FGL1: variants seen among roughly 807,000 people sequenced by gnomAD.
The protein encoded by FGL1 is fibrinogen like 1, also known as fibrinogen-like protein 1.
In FGL1, 59 loss-of-function variants were observed where a neutral mutation model predicts 43.7. The ratio of observed to expected loss-of-function variants is 1.35; its 90% CI spans 1.10 to 1.68. The LOEUF (loss-of-function observed/expected upper bound fraction) is 1.68, where lower values mean the gene tolerates loss of function less well. Among genes scored for constraint, FGL1 ranks in the 40% most tolerant of loss-of-function variants. FGL1 has a pLI of 0.00. For synonymous variants in FGL1, 192 were observed against 126.5 expected (o/e 1.52, Z -3.48); for missense variants, 596 against 373.0 (o/e 1.60, Z -4.92).
chr8:17,868,123 T>C (rs911622706), intron 7 of FGL1, among the ~76,000 whole-genome samples: 15 of 152,186 alleles, frequency 9.9e-5, no homozygotes, highest in Non-Finnish European at 1.5e-4. Context: ...ATGAAAGCCA[T>C]AGTGATTGAA....
At chr8:17,886,676 T>G (rs2053632970) in intron 1 of FGL1, among the ~76,000 whole-genome samples, 1 of 152,104 alleles carries the variant, frequency 6.6e-6, no homozygotes, top group South Asian at 2.1e-4. Flanking sequence ...GAGAATTGCT[T>G]GAACCCGGGA....
At chr8:17,889,071 A>T (rs573432897) in intron 1 of FGL1, among the ~76,000 whole-genome samples, 1 of 152,184 alleles carries the variant, frequency 6.6e-6, no homozygotes. Flanking sequence ...GGCCTGGGGC[A>T]TTATATAAAA....
intron 1 of FGL1, among the ~76,000 whole-genome samples, chr8:17,886,889 C>T (rs796733566): frequency 2.6e-5 from 4 of 152,184 alleles, no homozygotes; most frequent in African/African-American, 9.6e-5. Context: ...GTGTAGCACC[C>T]TAGGGGATTC....
intron 5 of FGL1, among the ~76,000 whole-genome samples, chr8:17,873,122 G>T (rs949157957): frequency 6.6e-6 from 1 of 152,038 alleles, no homozygotes; most frequent in Non-Finnish European, 1.5e-5. Flanking sequence ...TTGCCCAATT[G>T]TTCACCTCTC....
intron 1 of FGL1, among the ~76,000 whole-genome samples, chr8:17,893,388 A>G (rs2053733469): frequency 1.3e-5 from 2 of 150,968 alleles, no homozygotes; most frequent in East Asian, 3.9e-4. Flanking sequence ...ATGTATGAAC[A>G]TAACATTATT....
chr8:17,868,916 C>G lies in FGL1; in HGVS notation c.591G>C (p.Lys197Asn). ...QYKNFKVGDEKNFYELNIGEY... is the reference protein window; with the variant it reads ...QYKNFKVGDENNFYELNIGEY... ...TTTACTTCTTAGAAAATTGTAGTAC[C>G]TTTTCATCTCCAACTTTGAAATTCT... Residue 197 changes from lysine to asparagine, a missense_variant and splice_region_variant, in exon 6 of 8, where the codon AAG (lysine) becomes AAC (asparagine). Lys to Asn is a moderately conservative substitution (Grantham distance 94, BLOSUM62 0). Coordinates refer to ENST00000427924, the MANE Select transcript of FGL1 (RefSeq NM_004467.4). 1 of 1,589,368 alleles carries G rather than the reference C, an allele frequency of 6.3e-7. No individual in the cohort carries two copies. Among genetic ancestry groups the G allele is most frequent in the South Asian group, 1.2e-5 (1 of 85,866 alleles).
chr8:17,881,965 G>A, intron 3 of FGL1, 34 bp downstream of exon 3: 1 of 1,593,082 alleles, frequency 6.3e-7, no homozygotes, highest in Non-Finnish European at 8.6e-7. Flanking sequence ...CATAATGTAA[G>A]TTATAGAAAC....
At chr8:17,891,074 A>C (rs537108092) in intron 1 of FGL1, among the ~76,000 whole-genome samples, 59 of 152,158 alleles carry the variant, frequency 3.9e-4, no homozygotes, top group Non-Finnish European at 7.9e-4. Context: ...ATATGTGTTT[A>C]TTGTCTACCT....
intron 7 of FGL1, among the ~76,000 whole-genome samples, chr8:17,865,637 T>C (rs2053259736): frequency 6.6e-6 from 1 of 152,258 alleles, no homozygotes; most frequent in Non-Finnish European, 1.5e-5. Flanking sequence ...CTTTGGAGTC[T>C]GTAAATTTTG....
chr8:17,877,658 T>C (rs1286560011), intron 3 of FGL1, among the ~76,000 whole-genome samples: 2 of 151,626 alleles, frequency 1.3e-5, no homozygotes, highest in African/African-American at 4.8e-5. Flanking sequence ...AGTAGGTGTA[T>C]GTATTTGTTG....
At chr8:17,869,892 G>A (rs1437185839) in intron 5 of FGL1, among the ~76,000 whole-genome samples, 1 of 152,104 alleles carries the variant, frequency 6.6e-6, no homozygotes, top group East Asian at 1.9e-4. Flanking sequence ...GGCGGATCAC[G>A]AGGTCAGGAG....
chr8:17,875,551 T>C (rs1193017656), intron 3 of FGL1, among the ~76,000 whole-genome samples: 382 of 16,512 alleles, frequency 0.023, 29 homozygotes, highest in African/African-American at 0.059. Context: ...CTTTCTTTCT[T>C]TCTTTCTTTC....
chr8:17,893,969 T>C (rs548863129), intron 1 of FGL1, among the ~76,000 whole-genome samples: 1 of 147,252 alleles, frequency 6.8e-6, no homozygotes, highest in East Asian at 1.9e-4. Flanking sequence ...ATTAAAATTG[T>C]TATCAAATGG....
At chr8:17,880,166 C>G (rs1351361748) in intron 3 of FGL1, among the ~76,000 whole-genome samples, 1 of 152,180 alleles carries the variant, frequency 6.6e-6, no homozygotes, top group Admixed American at 6.5e-5. Context: ...CTGCAGACCA[C>G]TGGCTCTGGC....
chr8:17,890,373 C>T (rs2131746862), intron 1 of FGL1, among the ~76,000 whole-genome samples: 1 of 152,322 alleles, frequency 6.6e-6, no homozygotes, highest in East Asian at 1.9e-4. Context: ...CTCAACACAT[C>T]TCTTTTCCCA....
chr8:17,894,929 G>T (rs1303788955), intron 1 of FGL1, among the ~76,000 whole-genome samples: 1 of 146,350 alleles, frequency 6.8e-6, no homozygotes, highest in Non-Finnish European at 1.5e-5. Context: ...ATTATATAAG[G>T]TATATAAATA....
At chr8:17,868,787 T>C in intron 6 of FGL1, 52 bp from the exon 7 acceptor site, 1 of 1,528,726 alleles carries the variant, frequency 6.5e-7, no homozygotes, top group South Asian at 1.2e-5. Flanking sequence ...ATGACCATTT[T>C]AAAATTAAGT....
intron 7 of FGL1, among the ~76,000 whole-genome samples, chr8:17,866,845 T>C (rs1227797756): frequency 3.9e-5 from 6 of 152,216 alleles, no homozygotes; most frequent in Non-Finnish European, 8.8e-5. Context: ...CTTCATGAAT[T>C]ACACGTTAAG....
intron 7 of FGL1, among the ~76,000 whole-genome samples, chr8:17,867,687 T>C (rs1016263673): frequency 2.0e-5 from 3 of 152,228 alleles, no homozygotes; most frequent in African/African-American, 7.2e-5. Context: ...CAGGGAGGGC[T>C]TTCAGCGTGG....
Sources: gnomAD v4.1 joint callset for allele counts (sites outside exome capture counted in the v4.1 genomes callset) on GRCh38, gnomAD v4.1.1 for gene constraint, MANE v1.5 for transcripts, NCBI Gene and HGNC (gene_info 2026-07-23, HGNC 2026-07-21) for gene names.